Variants in SHF observed in about 807,000 individuals in gnomAD.
SHF encodes SH2 domain-containing adapter protein F.
SHF carries 30 observed loss-of-function variants against 42.4 expected under a neutral mutation model. The observed-to-expected ratio is 0.71, with a 90% CI of 0.53 to 0.96. The LOEUF (loss-of-function observed/expected upper bound fraction) is 0.96, where lower values mean the gene tolerates loss of function less well. Ranked by LOEUF, SHF falls within the 40% of genes least tolerant of loss-of-function variation. SHF has a pLI of 0.00. For missense variants in SHF, 598 were observed against 634.0 expected (o/e 0.94, Z 0.61); for synonymous variants, 264 against 269.9 (o/e 0.98, Z 0.21).
At chr15:45,188,433 C>T (rs1440758995), upstream of SHF, among the ~76,000 whole-genome samples, 3 of 152,208 alleles carry the variant, frequency 2.0e-5, no homozygotes, top group Non-Finnish European at 4.4e-5. Flanking sequence ...GGGCTAGGTT[C>T]TGTAAGATGT....
chr15:45,184,841 G>A (rs1273831229), intron 1 of SHF, among the ~76,000 whole-genome samples: 3 of 152,248 alleles, frequency 2.0e-5, no homozygotes, highest in African/African-American at 4.8e-5. Flanking sequence ...GCCCGTTGCA[G>A]GGCGCGGCTC....
chr15:45,181,099 C>G (rs1248578240), intron 1 of SHF: 1 of 152,490 alleles, frequency 6.6e-6, no homozygotes, highest in Non-Finnish European at 1.5e-5. Context: ...AGGCAGCACC[C>G]TTCTTACCCA....
At chr15:45,194,957 T>C (rs1438600305) in intron 2 of SHF, among the ~76,000 whole-genome samples, 2 of 152,090 alleles carry the variant, frequency 1.3e-5, no homozygotes, top group East Asian at 1.9e-4. Flanking sequence ...GCTGCTCCAA[T>C]AGCTGGGACT....
chr15:45,174,741 T>C (rs1184842136), intron 3 of SHF, among the ~76,000 whole-genome samples: 1 of 152,110 alleles, frequency 6.6e-6, no homozygotes, highest in African/African-American at 2.4e-5. Flanking sequence ...CTCACTCTGC[T>C]CCTCAGAAAT....
intron 2 of SHF, among the ~76,000 whole-genome samples, chr15:45,194,671 G>C (rs529999232): frequency 1.3e-4 from 19 of 151,978 alleles, no homozygotes; most frequent in African/African-American, 4.3e-4. Context: ...CTTTTGACTT[G>C]GTCCCATCAA....
chr15:45,187,960 C>T lies in SHF; in HGVS notation c.-9G>A. On this transcript the variant is annotated 5_prime_UTR_variant, in exon 1 of 7. Transcript: ENST00000690270. ...GCTCCGCTCAGTAACATGGGGCCAG[C>T]CAGACTGAGCGAGGGGAGCGCAGCG... 8.5e-7 allele frequency: 1 copy of T among 1,169,898 alleles called. No homozygotes were observed. Among genetic ancestry groups the T allele is most frequent in the Non-Finnish European group, 1.1e-6 (1 of 948,148 alleles). 72.5% of individuals were successfully genotyped at this position (1,169,898 alleles called of 1,614,324 possible).
At position 45,178,239 on chromosome 15, in the gene SHF, G is replaced by T; in HGVS notation, c.566C>A (p.Ala189Asp). The change falls in exon 2 of 7, where the codon GCT (alanine) becomes GAT (aspartate). Residue 189 changes from alanine (A) to aspartate (D), a missense_variant. Physicochemically the swap from Ala to Asp is moderately radical, Grantham distance 126 (BLOSUM62 -2). This residue lies in a region of SHF where 439 missense variants were observed against 524.6 expected (regional missense o/e 0.84). Transcript: ENST00000690270. ...VQETGEGSAG[A>D]SGAPEKVPEN... ...AGGGACCTTCTCTGGGGCTCCTGAAGCTCCTGCTGAGCCTTCGCCAGTCTC... is the reference window on the plus strand; with the variant it reads ...AGGGACCTTCTCTGGGGCTCCTGAATCTCCTGCTGAGCCTTCGCCAGTCTC... The T allele has an allele frequency of 6.2e-7, 1 of 1,613,994 alleles. No homozygotes were observed. The highest frequency in any genetic ancestry group is 8.5e-7 in the Non-Finnish European group (1 of 1,179,900).
intron 2 of SHF, among the ~76,000 whole-genome samples, chr15:45,176,839 T>A (rs955852917): frequency 6.6e-6 from 1 of 152,248 alleles, no homozygotes; most frequent in Non-Finnish European, 1.5e-5. Context: ...CCACACCCTC[T>A]GACCTAAATG....
At chr15:45,174,345 G>C (rs1055561715) in intron 3 of SHF, 5 of 158,030 alleles carry the variant, frequency 3.2e-5, no homozygotes, top group Non-Finnish European at 7.0e-5. Flanking sequence ...AATCCAAACA[G>C]TATTGATTCT....
At chr15:45,198,667 A>T in intron 2 of SHF, 1 of 1,442,304 alleles carries the variant, frequency 6.9e-7, no homozygotes, top group Non-Finnish European at 9.3e-7. Context: ...TAACCACTAT[A>T]CGATCACGGC....
intron 1 of SHF, among the ~76,000 whole-genome samples, chr15:45,180,207 T>A (rs1898054812): frequency 1.3e-5 from 2 of 152,222 alleles, no homozygotes; most frequent in Non-Finnish European, 2.9e-5. Flanking sequence ...CAGTAGGCAC[T>A]AGACAAATGT....
At chr15:45,198,010 A>C (rs906859762) in intron 2 of SHF, among the ~76,000 whole-genome samples, 4 of 152,326 alleles carry the variant, frequency 2.6e-5, no homozygotes, top group Non-Finnish European at 4.4e-5. Flanking sequence ...AATGAAAAAG[A>C]GCTGTACTTT....
intron 1 of SHF, among the ~76,000 whole-genome samples, chr15:45,179,358 G>C (rs949077654): frequency 6.6e-6 from 1 of 152,356 alleles, no homozygotes; most frequent in Non-Finnish European, 1.5e-5. Flanking sequence ...CTGGGAGAGA[G>C]AATGCTGGAG....
intron 1 of SHF, among the ~76,000 whole-genome samples, chr15:45,186,480 A>C (rs1898409309): frequency 6.6e-6 from 1 of 152,252 alleles, no homozygotes; most frequent in Admixed American, 6.5e-5. Context: ...AGGACAGCAG[A>C]GCCAAGGCAG....
upstream of SHF, among the ~76,000 whole-genome samples, chr15:45,189,787 T>C (rs748368627): frequency 6.6e-6 from 1 of 152,004 alleles, no homozygotes; most frequent in Non-Finnish European, 1.5e-5. Flanking sequence ...AAACTGTGAA[T>C]CTCCTGGGAT....
chr15:45,186,507 C>G (rs1207669000), intron 1 of SHF, among the ~76,000 whole-genome samples: 1 of 152,262 alleles, frequency 6.6e-6, no homozygotes, highest in African/African-American at 2.4e-5. Flanking sequence ...GAGTCATCAT[C>G]ACAGAATTTA....
chr15:45,187,772 C>G lies in SHF; in HGVS notation c.180G>C (p.Gly60=). Residue 60 remains glycine, a synonymous_variant, in exon 1 of 7, where the codon GGG becomes GGC. Coordinates refer to ENST00000690270, the MANE Select transcript of SHF (RefSeq NM_001394037.1). ...GCTTGCTGCCCCCTCCGCCGCCGCCCCCCCCGCGGAAGCCCAGGTGCTCCC... is the reference window on the plus strand; with the variant it reads ...GCTTGCTGCCCCCTCCGCCGCCGCCGCCCCCGCGGAAGCCCAGGTGCTCCC... ...WLREHLGFRG[G]GGGGGGSKPA... The G allele has an allele frequency of 8.9e-6, 8 of 903,668 alleles. No homozygotes were observed. The highest frequency in any genetic ancestry group is 1.1e-5 in the Non-Finnish European group (8 of 697,754). The allele number at this position is 903,668 out of a possible 1,614,324, so 56.0% of individuals were successfully genotyped here. A position where few individuals can be genotyped will look rare whatever the true frequency, so the allele number is the denominator to read the frequency against.
intron 2 of SHF, among the ~76,000 whole-genome samples, chr15:45,196,252 C>G (rs1237633065): frequency 6.6e-6 from 1 of 152,122 alleles, no homozygotes; most frequent in African/African-American, 2.4e-5. Context: ...TGCCACCACA[C>G]CTGGCTAAGT....
chr15:45,199,137 C>G, intron 1 of SHF: 2 of 1,455,802 alleles, frequency 1.4e-6, no homozygotes, highest in Non-Finnish European at 1.8e-6. Context: ...CCAGGTTCCA[C>G]GTAGAAAAAA....
Sources: allele counts gnomAD v4.1 joint callset (sites outside exome capture counted in the v4.1 genomes callset), GRCh38; gene constraint gnomAD v4.1.1; regional missense constraint gnomAD v4.1.1; transcripts MANE v1.5; gene names NCBI Gene and HGNC (gene_info 2026-07-23, HGNC 2026-07-21).